Variants in ACSM4 observed in about 807,000 individuals in gnomAD.
The protein encoded by ACSM4 is acyl-coenzyme A synthetase ACSM4, mitochondrial.
In ACSM4, 66 loss-of-function variants were observed where a neutral mutation model predicts 73.0. The ratio of observed to expected loss-of-function variants is 0.90; its 90% confidence interval spans 0.74 to 1.11. ACSM4 has a LOEUF of 1.11. ACSM4 is among the 50% of genes least tolerant of loss of function. ACSM4 has a pLI of 0.00. For missense variants in ACSM4, 645 were observed against 714.4 expected (o/e 0.90, Z 1.11); for synonymous variants, 222 against 254.0 (o/e 0.87, Z 1.20).
rs1946347900 is a variant in ACSM4 at position 7,304,131 on chromosome 12, C to T, written c.-201C>T. Among the ~76,000 whole-genome samples the T allele has an allele frequency of 6.6e-6, 1 of 152,028 alleles. No homozygotes were observed. The highest frequency in any genetic ancestry group is 2.4e-5 in the African/African-American group (1 of 41,386). Reference sequence around the variant, plus strand: ...GAGGAAGGGTCCAGTGGCAGGGAGACCAGTCAGTGGCTAAGGCAGCAGCTC... The same window carrying T: ...GAGGAAGGGTCCAGTGGCAGGGAGATCAGTCAGTGGCTAAGGCAGCAGCTC... On this transcript the variant is annotated 5_prime_UTR_variant, in exon 1 of 13. Transcript: ENST00000399422.
chr12:7,306,790 T>A lies in ACSM4; in HGVS notation c.412+47T>A. 4 of 1,506,606 alleles carry A rather than the reference T, an allele frequency of 2.7e-6. No individual in the cohort carries two copies. The Middle Eastern group carries it at 7.1e-4, about 268-fold the overall frequency. 93.3% of individuals were successfully genotyped at this position (1,506,606 alleles called of 1,614,324 possible). A position where few individuals can be genotyped will look rare whatever the true frequency, so the allele number is the denominator to read the frequency against. On this transcript the variant is annotated intron_variant, in intron 2 of 12. Coordinates refer to ENST00000399422, the MANE Select transcript of ACSM4 (RefSeq NM_001080454.2). ...CTAAATCACACAAACACAGAGAGACTGAAACTCAATGGTTTTCTGAATTGT... is the reference window on the plus strand; with the variant it reads ...CTAAATCACACAAACACAGAGAGACAGAAACTCAATGGTTTTCTGAATTGT...
intron 2 of ACSM4, among the ~76,000 whole-genome samples, chr12:7,308,164 T>A (rs1323801248): frequency 3.3e-5 from 5 of 152,186 alleles, no homozygotes; most frequent in African/African-American, 4.8e-5. Context: ...CAATATTGAA[T>A]AAAAACAGCA....
intron 5 of ACSM4, among the ~76,000 whole-genome samples, chr12:7,318,695 C>T (rs1358248823): frequency 6.6e-6 from 1 of 152,164 alleles, no homozygotes; most frequent in Non-Finnish European, 1.5e-5. Flanking sequence ...GTCTTCTCAA[C>T]CAGGGACAGC....
At position 7,320,707 on chromosome 12, in the gene ACSM4, T is replaced by A. The variant is rs1435118760; in HGVS notation, c.922-18T>A. ...TGAATGACCACTTCTGACATCTGTG[T>A]CTTTCTCCATCATCCAGACACTTAC... is the stretch of plus-strand genomic sequence containing the variant. On this transcript the variant is annotated intron_variant, in intron 5 of 12. Transcript: ENST00000399422. 6.2e-7 allele frequency: 1 copy of A among 1,601,638 alleles called. No individual in the cohort carries two copies. Among genetic ancestry groups the A allele is most frequent in the Non-Finnish European group, 8.6e-7 (1 of 1,169,570 alleles).
At chr12:7,317,094 G>C (rs370836430) in intron 3 of ACSM4, 43 bp from the exon 4 acceptor site, 39 of 1,581,626 alleles carry the variant, frequency 2.5e-5, no homozygotes, top group East Asian at 1.4e-4. Context: ...AGTCAAACTG[G>C]TCTGCCATCT....
chr12:7,327,201 A>C, intron 12 of ACSM4, 106 bp downstream of exon 12: 2 of 1,304,544 alleles, frequency 1.5e-6, no homozygotes, highest in Non-Finnish European at 2.1e-6. Flanking sequence ...TTATATAGGT[A>C]GAAGACACTT....
rs781371927 is a variant in ACSM4, at chr12:7,322,438, G to A, written c.1022G>A (p.Arg341Gln). The change falls in exon 7 of 13, where the codon CGG becomes CAG. Residue 341 changes from arginine (R) to glutamine (Q), a missense_variant. Coordinates refer to ENST00000399422, the MANE Select transcript of ACSM4 (RefSeq NM_001080454.2). Reference sequence around the variant, plus strand: ...TCCAGATATAAATTCAAGAGTCTGCGGCACTGCTTGACCGGAGGGGAGCCA... The same window carrying A: ...TCCAGATATAAATTCAAGAGTCTGCAGCACTGCTTGACCGGAGGGGAGCCA... ...DLKRYKFKSLRHCLTGGEPLN... is the reference protein window; with the variant it reads ...DLKRYKFKSLQHCLTGGEPLN... 77 of 1,613,644 alleles carry A rather than the reference G, an allele frequency of 4.8e-5. 1 individual carries two copies. Among genetic ancestry groups the A allele is most frequent in the South Asian group, 4.4e-4 (40 of 91,080 alleles).
At chr12:7,318,398 C>T in intron 5 of ACSM4, 2 of 525,740 alleles carry the variant, frequency 3.8e-6, no homozygotes, top group Non-Finnish European at 6.5e-6. Flanking sequence ...ATCCAGACTT[C>T]TGCTTCAAAT....
In ACSM4 at chr12:7,304,265, A is replaced by C; in HGVS notation, c.-67A>C. The stretch of plus-strand genomic sequence containing the variant: ...GAGCATCAAGAAACTGATACTCTCT[A>C]TCCATCTCTCCCTACAGGCTGTAGT... On this transcript the variant is annotated 5_prime_UTR_variant, in exon 1 of 13. Transcript: ENST00000399422. The C allele has an allele frequency of 6.7e-7, 1 of 1,498,594 alleles. No individual in the cohort carries two copies. Among genetic ancestry groups the C allele is most frequent in the South Asian group, 1.2e-5 (1 of 86,616 alleles). The allele number at this position is 1,498,594 out of a possible 1,614,324, so 92.8% of individuals were successfully genotyped here.
chr12:7,322,853 C>G (rs1281616469), intron 7 of ACSM4, among the ~76,000 whole-genome samples: 2 of 152,114 alleles, frequency 1.3e-5, no homozygotes, highest in African/African-American at 4.8e-5. Context: ...CTGAGAGCGT[C>G]CATGGGAAAT....
At chr12:7,304,849 G>A (rs376211533) in intron 1 of ACSM4, among the ~76,000 whole-genome samples, 10 of 152,240 alleles carry the variant, frequency 6.6e-5, no homozygotes, top group African/African-American at 2.4e-4. Context: ...CAGGCTTATC[G>A]AAAAAGTAGC....
intron 3 of ACSM4, among the ~76,000 whole-genome samples, chr12:7,315,101 T>G (rs1449981113): frequency 1.3e-5 from 2 of 148,456 alleles, no homozygotes; most frequent in Non-Finnish European, 3.0e-5. Context: ...GAGGCTGAGG[T>G]GGGAGGATTG....
intron 3 of ACSM4, among the ~76,000 whole-genome samples, 167 bp from the exon 4 acceptor site, chr12:7,316,970 C>T (rs1427426340): frequency 6.6e-6 from 1 of 152,166 alleles, no homozygotes; most frequent in African/African-American, 2.4e-5. Flanking sequence ...CCTTCAAAGT[C>T]CCGCTAAGAT....
chr12:7,323,883 A>T (rs1158396412), intron 9 of ACSM4, among the ~76,000 whole-genome samples: 2 of 152,174 alleles, frequency 1.3e-5, no homozygotes, highest in Non-Finnish European at 2.9e-5. Flanking sequence ...CTTTTAAAAA[A>T]ATTTAATTTC....
chr12:7,307,953 G>A (rs764618122), intron 2 of ACSM4, among the ~76,000 whole-genome samples: 24 of 152,220 alleles, frequency 1.6e-4, no homozygotes, highest in East Asian at 5.8e-4. Flanking sequence ...TAAAAATCAC[G>A]AAGATGTTTG....
intron 2 of ACSM4, among the ~76,000 whole-genome samples, chr12:7,309,428 C>T (rs1193301470): frequency 6.6e-6 from 1 of 152,176 alleles, no homozygotes; most frequent in East Asian, 1.9e-4. Flanking sequence ...GGATACACAT[C>T]TTCCCATCTG....
rs200726676 is a variant in ACSM4 at position 7,320,727 on chromosome 12, A to G, written c.924A>G (p.Thr308=). Residue 308 remains threonine (T), a splice_region_variant and synonymous_variant, in exon 6 of 13, where the codon ACA becomes ACG. Transcript: ENST00000399422. The stretch of plus-strand genomic sequence containing the variant: ...CTGTGTCTTTCTCCATCATCCAGAC[A>G]CTTACTACTTATCCCATCACGACCC... ...AQFDTDTFLD[T]LTTYPITTLC... The G allele has an allele frequency of 6.2e-7, 1 of 1,613,048 alleles. No homozygotes were observed. The highest frequency in any genetic ancestry group is 8.5e-7 in the Non-Finnish European group (1 of 1,179,184).
chr12:7,327,572 A>G (rs1449154720), intron 12 of ACSM4, among the ~76,000 whole-genome samples: 1 of 152,228 alleles, frequency 6.6e-6, no homozygotes, highest in Non-Finnish European at 1.5e-5. Flanking sequence ...AGGATTTAAG[A>G]ACAATACTAC....
chr12:7,323,203 T>C lies in ACSM4; in HGVS notation c.1126-31T>C, dbSNP rs768079091. ...TATAGTTTCAGAATATAAACTTTTG[T>C]ATACTTATACAAAGCTTGTCCTCTC... On this transcript the variant is annotated intron_variant, in intron 7 of 12. Coordinates refer to ENST00000399422, the MANE Select transcript of ACSM4 (RefSeq NM_001080454.2). 7.1e-6 allele frequency: 11 copies of C among 1,557,608 alleles called. No individual in the cohort carries two copies. In the Middle Eastern group the frequency reaches 5.0e-4, roughly 71 times the overall value.
Sources: gnomAD v4.1 joint callset for allele counts (sites outside exome capture counted in the v4.1 genomes callset) on GRCh38, gnomAD v4.1.1 for gene constraint, MANE v1.5 for transcripts, NCBI Gene and HGNC (gene_info 2026-07-23, HGNC 2026-07-21) for gene names.